SUGCT: variants seen among roughly 807,000 people sequenced by gnomAD.
The protein encoded by SUGCT is succinyl-CoA:glutarate CoA-transferase.
In SUGCT, 41 loss-of-function variants were observed where a neutral mutation model predicts 55.0. The observed-to-expected ratio is 0.74, with a 90% CI of 0.58 to 0.97. SUGCT has a LOEUF of 0.97. Among genes scored for constraint, SUGCT ranks in the 50% least tolerant of loss-of-function variants. SUGCT has a pLI of 0.00. For synonymous variants in SUGCT, 187 were observed against 200.4 expected, an observed-to-expected ratio of 0.93 and a Z score of 0.56; for missense variants, 568 against 547.8, an observed-to-expected ratio of 1.04 and a Z score of -0.37.
chr7:40,139,240 C>T (rs1408133408), intron 1 of SUGCT, among the ~76,000 whole-genome samples: 2 of 152,098 alleles, frequency 1.3e-5, no homozygotes, highest in African/African-American at 4.8e-5. Flanking sequence ...TTCTGTCACC[C>T]AGGCTGGAGT....
At chr7:40,309,884 A>C (rs1287540726) in intron 8 of SUGCT, among the ~76,000 whole-genome samples, 1 of 36,466 alleles carries the variant, frequency 2.7e-5, no homozygotes. Flanking sequence ...TTATAACCAA[A>C]AAAGTATTAA....
At chr7:40,354,518 T>G (rs2151205661) in intron 9 of SUGCT, among the ~76,000 whole-genome samples, 1 of 152,320 alleles carries the variant, frequency 6.6e-6, no homozygotes, top group African/African-American at 2.4e-5. Flanking sequence ...ACAAAGAAAT[T>G]CTTCTATCTC....
chr7:40,510,169 C>T (rs903884325), intron 12 of SUGCT, among the ~76,000 whole-genome samples: 7 of 151,308 alleles, frequency 4.6e-5, no homozygotes, highest in East Asian at 3.9e-4. Flanking sequence ...ATAAGGTAAG[C>T]GAATGTTATA....
chr7:40,670,250 AC>A (rs1202893831), intron 12 of SUGCT, among the ~76,000 whole-genome samples: 4 of 151,412 alleles, frequency 2.6e-5, no homozygotes, highest in Non-Finnish European at 5.9e-5. Context: ...TACTTCAAGA[AC>A]CTAGAAAAAG....
intron 13 of SUGCT, among the ~76,000 whole-genome samples, chr7:40,780,742 GT>G (rs376440459): frequency 2.5e-4 from 36 of 141,818 alleles, no homozygotes; most frequent in Middle Eastern, 3.6e-3. Flanking sequence ...CCTAGTGTGG[GT>G]TTTTTTTTTC....
chr7:41,037,259 C>G, the SUGCT span, among the ~76,000 whole-genome samples: 1 of 152,010 alleles, frequency 6.6e-6, no homozygotes, highest in East Asian at 1.9e-4. Flanking sequence ...CATTTCCCCC[C>G]ACATAGACAC....
the SUGCT span, among the ~76,000 whole-genome samples, chr7:40,901,925 T>C: frequency 6.6e-6 from 1 of 152,208 alleles, no homozygotes; most frequent in African/African-American, 2.4e-5. Flanking sequence ...ATAAGGAGCC[T>C]TGCGGTGCAC....
chr7:40,956,120 T>G, the SUGCT span, among the ~76,000 whole-genome samples: 1 of 152,230 alleles, frequency 6.6e-6, no homozygotes, highest in Non-Finnish European at 1.5e-5. Flanking sequence ...CAGGTTTTGG[T>G]ATCAGGATCA....
At chr7:40,478,414 A>C (rs981318132) in intron 11 of SUGCT, among the ~76,000 whole-genome samples, 32 of 152,300 alleles carry the variant, frequency 2.1e-4, no homozygotes, top group African/African-American at 6.7e-4. Flanking sequence ...CGAGGTAGGA[A>C]TCATCATTAT....
At chr7:40,618,384 A>G (rs1799110620) in intron 12 of SUGCT, among the ~76,000 whole-genome samples, 1 of 152,210 alleles carries the variant, frequency 6.6e-6, no homozygotes, top group Non-Finnish European at 1.5e-5. Flanking sequence ...TTTACTGCCA[A>G]AATAAGTCAG....
the SUGCT span, among the ~76,000 whole-genome samples, chr7:40,870,201 T>C: frequency 2.6e-5 from 4 of 152,168 alleles, no homozygotes; most frequent in African/African-American, 4.8e-5. Flanking sequence ...ATCAATGTCA[T>C]TGAACTGAAA....
intron 13 of SUGCT, among the ~76,000 whole-genome samples, chr7:40,820,498 T>G (rs1584487556): frequency 6.6e-6 from 1 of 152,320 alleles, no homozygotes; most frequent in East Asian, 1.9e-4. Flanking sequence ...GTAAGTTGGA[T>G]TCCTAGGTAC....
intron 12 of SUGCT, among the ~76,000 whole-genome samples, chr7:40,520,219 A>G (rs529987174): frequency 6.6e-6 from 1 of 152,156 alleles, no homozygotes; most frequent in African/African-American, 2.4e-5. Flanking sequence ...GACACATGGT[A>G]TCCTTACAAT....
Position 40,443,865 on chromosome 7 carries a change from T to G in SUGCT, c.817-5422T>G, listed in dbSNP as rs1055745019. Among the ~76,000 whole-genome samples the G allele has an allele frequency of 2.0e-5, 3 of 152,322 alleles. No individual in the cohort carries two copies. The East Asian group carries it at 5.8e-4, about 29-fold the overall frequency. The stretch of plus-strand genomic sequence containing the variant: ...GTTTTTATGGTTTTAGGTCTAACAT[T>G]TAAGTCTTTAATCCATCTTGAATTA... On this transcript the variant is annotated intron_variant, in intron 9 of 13. Coordinates refer to ENST00000335693, the MANE Select transcript of SUGCT (RefSeq NM_001193313.2).
intron 12 of SUGCT, among the ~76,000 whole-genome samples, chr7:40,663,384 A>G (rs947945702): frequency 6.6e-6 from 1 of 150,794 alleles, no homozygotes; most frequent in Non-Finnish European, 1.5e-5. Context: ...TATTTCTGAC[A>G]TTTTGGTGTA....
intron 13 of SUGCT, among the ~76,000 whole-genome samples, chr7:40,847,983 C>T (rs1480875580): frequency 6.6e-6 from 1 of 152,174 alleles, no homozygotes; most frequent in Non-Finnish European, 1.5e-5. Context: ...TGAAAGACTG[C>T]TCCCACAGAT....
At chr7:40,576,563 G>A (rs1360044005) in intron 12 of SUGCT, among the ~76,000 whole-genome samples, 1 of 152,182 alleles carries the variant, frequency 6.6e-6, no homozygotes, top group Non-Finnish European at 1.5e-5. Flanking sequence ...TAGTACAAGG[G>A]CATAGGGCAT....
intron 12 of SUGCT, among the ~76,000 whole-genome samples, chr7:40,670,048 G>GA (rs1801855012): frequency 6.7e-6 from 1 of 149,918 alleles, no homozygotes; most frequent in African/African-American, 2.5e-5. Flanking sequence ...AACAACTAAA[G>GA]AAAAATAACA....
At chr7:40,854,338 T>A (rs1011753215) in intron 13 of SUGCT, among the ~76,000 whole-genome samples, 4 of 152,136 alleles carry the variant, frequency 2.6e-5, no homozygotes, top group African/African-American at 9.7e-5. Flanking sequence ...TGAGCTGTCA[T>A]CCTGGGACCT....
Sources: gnomAD v4.1 joint callset for allele counts (sites outside exome capture counted in the v4.1 genomes callset) on GRCh38, gnomAD v4.1.1 for gene constraint, MANE v1.5 for transcripts, NCBI Gene and HGNC (gene_info 2026-07-23, HGNC 2026-07-21) for gene names.